Variants in DCC observed in about 807,000 individuals in gnomAD.
DCC encodes the protein DCC netrin 1 receptor.
In DCC, 58 loss-of-function variants were observed where a neutral mutation model predicts 172.5. The ratio of observed to expected loss-of-function variants is 0.34; its 90% CI spans 0.27 to 0.42. The LOEUF is 0.42. Among genes scored for constraint, DCC ranks in the 10% least tolerant of loss-of-function variants. The pLI is 1.00. For missense variants in DCC, 1,740 were observed against 1,791.0 expected (o/e 0.97, Z 0.51); for synonymous variants, 709 against 644.5 (o/e 1.10, Z -1.52).
intron 1 of DCC, among the ~76,000 whole-genome samples, chr18:52,488,932 A>G (rs2030361556): frequency 6.6e-6 from 1 of 152,016 alleles, no homozygotes. Flanking sequence ...AACTTCAACA[A>G]ACCACCTTTC....
chr18:52,610,382 C>CAAAAAAAAAAAAAAAAA (rs55715009), intron 1 of DCC, among the ~76,000 whole-genome samples: 3 of 49,970 alleles, frequency 6.0e-5, no homozygotes, highest in Non-Finnish European at 9.1e-5. Flanking sequence ...TCTGTCTCAA[C>CAAAAAAAAAAAAAAAAA]AAAAAAAAAA....
At chr18:53,529,034 TCTCTCACACACACACACACACACA>T (rs1362871501) in intron 28 of DCC, among the ~76,000 whole-genome samples, 1 of 64,382 alleles carries the variant, frequency 1.6e-5, no homozygotes, top group African/African-American at 6.9e-5. Flanking sequence ...TCTCTCTCTC[TCTCTCACACACACACACACACACA>T]CACACACACA....
At chr18:53,102,086 C>T (rs374213917) in intron 7 of DCC, among the ~76,000 whole-genome samples, 5 of 152,050 alleles carry the variant, frequency 3.3e-5, no homozygotes, top group African/African-American at 1.2e-4. Flanking sequence ...TCAGTAGAGG[C>T]CATGCTCATT....
At chr18:52,341,003 C>T in intron 1 of DCC, 125 bp downstream of exon 1, 1 of 805,058 alleles carries the variant, frequency 1.2e-6, no homozygotes, top group Non-Finnish European at 2.2e-6. Context: ...TGCGCTGCCC[C>T]CATTTGCGCA....
At chr18:52,538,514 G>A (rs139008846) in intron 1 of DCC, among the ~76,000 whole-genome samples, 2 of 152,104 alleles carry the variant, frequency 1.3e-5, no homozygotes, top group African/African-American at 4.8e-5. Flanking sequence ...GCCACATTTT[G>A]TCTCTATTAT....
intron 2 of DCC, among the ~76,000 whole-genome samples, chr18:52,822,305 A>G (rs1239432010): frequency 2.6e-5 from 4 of 152,198 alleles, no homozygotes; most frequent in Non-Finnish European, 5.9e-5. Flanking sequence ...AAGTGCCAAC[A>G]AGGAGTGAAA....
chr18:53,346,421 C>T (rs892392938), intron 15 of DCC, among the ~76,000 whole-genome samples: 11 of 152,062 alleles, frequency 7.2e-5, no homozygotes, highest in Non-Finnish European at 1.5e-4. Flanking sequence ...GTATTTTAGA[C>T]ATTTGAATTT....
At chr18:52,853,005 C>G (rs1312306127) in intron 2 of DCC, among the ~76,000 whole-genome samples, 1 of 152,106 alleles carries the variant, frequency 6.6e-6, no homozygotes, top group African/African-American at 2.4e-5. Flanking sequence ...ATAATCCATT[C>G]ATTTTCCCCC....
At chr18:52,361,444 G>T (rs1984613087) in intron 1 of DCC, among the ~76,000 whole-genome samples, 1 of 152,136 alleles carries the variant, frequency 6.6e-6, no homozygotes, top group Non-Finnish European at 1.5e-5. Flanking sequence ...TCAAATATTT[G>T]CTTTGTTATT....
chr18:52,889,818 G>T (rs2039622656), intron 2 of DCC, among the ~76,000 whole-genome samples: 3 of 152,122 alleles, frequency 2.0e-5, no homozygotes, highest in Admixed American at 2.0e-4. Flanking sequence ...AGAACTTTAA[G>T]ATGAAGTCAT....
intron 7 of DCC, among the ~76,000 whole-genome samples, chr18:53,111,474 T>C (rs1041628885): frequency 4.0e-5 from 6 of 150,752 alleles, no homozygotes; most frequent in African/African-American, 1.5e-4. Context: ...CCACCAACTT[T>C]GGGTTTGAAT....
chr18:53,355,585 G>T (rs2057868775), intron 15 of DCC, among the ~76,000 whole-genome samples: 1 of 152,106 alleles, frequency 6.6e-6, no homozygotes, highest in Admixed American at 6.6e-5. Context: ...TGTTATTAGT[G>T]TATAAGAATG....
At chr18:53,180,843 C>G (rs902584938) in intron 9 of DCC, among the ~76,000 whole-genome samples, 1 of 152,034 alleles carries the variant, frequency 6.6e-6, no homozygotes, top group East Asian at 1.9e-4. Flanking sequence ...GAACTCCTGA[C>G]CTCAAGTGAT....
At chr18:52,733,432 T>C (rs896487893) in intron 1 of DCC, among the ~76,000 whole-genome samples, 1 of 152,120 alleles carries the variant, frequency 6.6e-6, no homozygotes, top group African/African-American at 2.4e-5. Flanking sequence ...TGCATGTTAG[T>C]GTAACTAGTC....
At chr18:52,512,866 T>C (rs2031492692) in intron 1 of DCC, among the ~76,000 whole-genome samples, 1 of 152,204 alleles carries the variant, frequency 6.6e-6, no homozygotes, top group Non-Finnish European at 1.5e-5. Context: ...CTAAGGATGA[T>C]GAACAAAAAT....
At chr18:52,424,914 T>C (rs1003753185) in intron 1 of DCC, among the ~76,000 whole-genome samples, 3 of 133,204 alleles carry the variant, frequency 2.3e-5, no homozygotes, top group Non-Finnish European at 5.2e-5. Flanking sequence ...CTCTCCTGAT[T>C]TCCTTTTCTT....
At chr18:53,149,214 T>G (rs967927500) in intron 7 of DCC, among the ~76,000 whole-genome samples, 2 of 152,090 alleles carry the variant, frequency 1.3e-5, no homozygotes, top group African/African-American at 4.8e-5. Context: ...ATTAAGAAAC[T>G]GGACGAGCAG....
chr18:52,514,004 C>G (rs1489541786), intron 1 of DCC, among the ~76,000 whole-genome samples: 3 of 152,034 alleles, frequency 2.0e-5, no homozygotes, highest in Admixed American at 6.5e-5. Context: ...CTCAGAGTAA[C>G]TTATTACTTC....
intron 2 of DCC, among the ~76,000 whole-genome samples, chr18:52,774,611 C>T (rs1022926260): frequency 3.9e-5 from 6 of 152,194 alleles, no homozygotes; most frequent in Non-Finnish European, 7.4e-5. Context: ...CCTTGTTCCC[C>T]TCGCAGAGTG....
Sources: gnomAD v4.1 joint callset for allele counts (sites outside exome capture counted in the v4.1 genomes callset) on GRCh38, gnomAD v4.1.1 for gene constraint, MANE v1.5 for transcripts, NCBI Gene and HGNC (gene_info 2026-07-23, HGNC 2026-07-21) for gene names.